ZNF710: variants seen among roughly 807,000 people sequenced by gnomAD.
The protein encoded by ZNF710 is zinc finger protein 710.
ZNF710 carries 13 observed loss-of-function variants against 50.6 expected under a neutral mutation model. That is an observed-to-expected ratio of 0.26 (90% CI 0.17 to 0.41). ZNF710 has a LOEUF of 0.41. Among genes scored for constraint, ZNF710 ranks in the 10% least tolerant of loss-of-function variants. ZNF710 has a pLI of 1.00. For synonymous variants in ZNF710, 383 were observed against 397.0 expected, an observed-to-expected ratio of 0.96 and a Z score of 0.42; for missense variants, 721 against 936.6, an observed-to-expected ratio of 0.77 and a Z score of 3.01.
intron 2 of ZNF710, among the ~76,000 whole-genome samples, chr15:90,072,805 G>A (rs1400055412): frequency 6.6e-6 from 1 of 152,198 alleles, no homozygotes; most frequent in African/African-American, 2.4e-5. Context: ...CTGGGGGCAG[G>A]AGACAGCAGG....
At chr15:90,044,497 T>C (rs568053255) in intron 1 of ZNF710, among the ~76,000 whole-genome samples, 18 of 152,262 alleles carry the variant, frequency 1.2e-4, no homozygotes, top group Non-Finnish European at 2.4e-4. Flanking sequence ...CCTCACCAAA[T>C]AAGGGGCCCG....
intron 1 of ZNF710, among the ~76,000 whole-genome samples, chr15:90,029,663 T>A (rs1898875308): frequency 1.3e-5 from 2 of 152,136 alleles, no homozygotes; most frequent in African/African-American, 4.8e-5. Context: ...TCGTCTAGGC[T>A]GGAGTGCAGT....
intron 4 of ZNF710, chr15:90,074,542 TGC>T: frequency 1.4e-6 from 2 of 1,430,732 alleles, no homozygotes; most frequent in South Asian, 2.4e-5. Context: ...ATTTATTGAG[TGC>T]TAACTGTGTG....
At chr15:90,001,656 G>GCCCCAT (rs1217139043) in intron 1 of ZNF710, 42 bp downstream of exon 1, 2 of 143,912 alleles carry the variant, frequency 1.4e-5, no homozygotes, top group Non-Finnish European at 3.1e-5. Flanking sequence ...CCCAGCCCCA[G>GCCCCAT]CCCCGCAGCC....
At chr15:90,056,527 C>A (rs1291464448) in intron 1 of ZNF710, among the ~76,000 whole-genome samples, 1 of 152,182 alleles carries the variant, frequency 6.6e-6, no homozygotes, top group African/African-American at 2.4e-5. Flanking sequence ...AAGTTCCTTT[C>A]AGCCCTGCCG....
chr15:90,015,888 C>A (rs934257946), intron 1 of ZNF710, among the ~76,000 whole-genome samples: 3 of 152,142 alleles, frequency 2.0e-5, no homozygotes, highest in Admixed American at 2.0e-4. Context: ...GGATTACAGG[C>A]GTGAGTCACC....
chr15:90,023,974 G>A (rs886666078), intron 1 of ZNF710, among the ~76,000 whole-genome samples: 14 of 152,128 alleles, frequency 9.2e-5, no homozygotes, highest in Non-Finnish European at 7.4e-5. Flanking sequence ...ACTGCAGTCT[G>A]GGTGACAGAG....
Position 90,068,690 on chromosome 15 carries a change from G to A in ZNF710, c.1458+95G>A, listed in dbSNP as rs1427463689. On this transcript the variant is annotated intron_variant, in intron 2 of 4. Coordinates refer to ENST00000268154, the MANE Select transcript of ZNF710 (RefSeq NM_198526.4). This position sits in a 1 kb window ranked among gnomAD's most constrained non-coding sequence, Gnocchi z 5.0. ...AGTCCCAGATGGGACCATTTAGGTG[G>A]TCTCCTAGTTTTATCGTTACGTACT... 2.2e-6 allele frequency: 3 copies of A among 1,371,132 alleles called. No homozygotes were observed. The highest frequency in any genetic ancestry group is 2.0e-6 in the Non-Finnish European group (2 of 1,015,368). 84.9% of individuals were successfully genotyped at this position (1,371,132 alleles called of 1,614,324 possible). A position where few individuals can be genotyped will look rare whatever the true frequency, so the allele number is the denominator to read the frequency against.
chr15:90,079,750 C>A lies in ZNF710; in HGVS notation c.1916C>A (p.Ala639Glu). 5 of 1,613,458 alleles carry A rather than the reference C, an allele frequency of 3.1e-6. No individual in the cohort carries two copies. The South Asian group carries it at 5.5e-5, about 18-fold the overall frequency. Reference protein sequence around the residue: ...EDFEENAYSYASVDSSAEASV... With the variant: ...EDFEENAYSYESVDSSAEASV... ...TTCGAGGAGAACGCCTACAGCTATG[C>A]GAGCGTGGACAGCAGCGCCGAGGCC... The change falls in exon 5 of 5, where the codon GCG becomes GAG. Residue 639 changes from alanine to glutamate, a missense_variant. Ala to Glu is a moderately radical substitution (Grantham distance 107). Around this residue, in one of 3 missense-constraint regions of ZNF710, gnomAD observed 69 missense variants for 67.6 expected, o/e 1.02. Coordinates refer to ENST00000268154, the MANE Select transcript of ZNF710 (RefSeq NM_198526.4).
intron 1 of ZNF710, among the ~76,000 whole-genome samples, chr15:90,064,286 G>T (rs929937850): frequency 6.6e-6 from 1 of 152,256 alleles, no homozygotes; most frequent in Admixed American, 6.5e-5. Context: ...CATTCACCTT[G>T]CTGTCTCCAG....
At chr15:90,004,360 C>G (rs1043826666) in intron 1 of ZNF710, among the ~76,000 whole-genome samples, 2 of 152,188 alleles carry the variant, frequency 1.3e-5, no homozygotes, top group African/African-American at 4.8e-5. Flanking sequence ...AGGAGTCCAG[C>G]GCATCTTGGA....
At chr15:90,078,700 C>T (rs922944083) in intron 4 of ZNF710, among the ~76,000 whole-genome samples, 1 of 152,222 alleles carries the variant, frequency 6.6e-6, no homozygotes, top group Non-Finnish European at 1.5e-5. Context: ...AAACATCCTA[C>T]AATGCACAGG....
rs1567236953 is a variant in ZNF710, at chr15:90,058,721, A to ATATATATGTATG, written c.-28-8389_-28-8388insTATATATGTATG. Among the ~76,000 whole-genome samples, 77 of 144,646 alleles carry ATATATATGTATG rather than the reference A, an allele frequency of 5.3e-4. 1 individual carries two copies. Among genetic ancestry groups the ATATATATGTATG allele is most frequent in the African/African-American group, 2.0e-3 (69 of 34,626 alleles). 94.9% of individuals were successfully genotyped at this position (144,646 alleles called of 152,430 possible). A position where few individuals can be genotyped will look rare whatever the true frequency, so the allele number is the denominator to read the frequency against. ...TATATTTATATATATATATATATAC[A>ATATATATGTATG]CACATATACACACACACGTACACAG... On this transcript the variant is annotated intron_variant, in intron 1 of 4. Transcript: ENST00000268154.
In ZNF710 at chr15:90,062,245, C is replaced by T. The variant is rs1204178491; in HGVS notation, c.-28-4865C>T. Among the ~76,000 whole-genome samples, 1 of 151,002 alleles carries T rather than the reference C, an allele frequency of 6.6e-6. No individual in the cohort carries two copies. ...TTCTCTCTCTCTCTCTCTGATATGTCCTCCCTTCCCCCACTCCCAGCACAA... is the reference window on the plus strand; with the variant it reads ...TTCTCTCTCTCTCTCTCTGATATGTTCTCCCTTCCCCCACTCCCAGCACAA... On this transcript the variant is annotated intron_variant, in intron 1 of 4. Coordinates refer to ENST00000268154, the MANE Select transcript of ZNF710 (RefSeq NM_198526.4). This position sits in a 1 kb window ranked among gnomAD's most constrained non-coding sequence, Gnocchi z 5.6.
rs2151489374 is a variant in ZNF710, at chr15:90,034,955, C to A, written c.-28-32155C>A. On this transcript the variant is annotated intron_variant, in intron 1 of 4. Transcript: ENST00000268154. This position sits in a 1 kb window ranked among gnomAD's most constrained non-coding sequence, Gnocchi z 4.0. The stretch of plus-strand genomic sequence containing the variant: ...AGGCTTGATGGCCGGAGCCCCAGGG[C>A]TTCCCTGCTGGTAGAAGGGGTGTCT... Among the ~76,000 whole-genome samples the A allele has an allele frequency of 6.6e-6, 1 of 152,298 alleles. No homozygotes were observed. Among genetic ancestry groups the A allele is most frequent in the Admixed American group, 6.5e-5 (1 of 15,302 alleles).
intron 1 of ZNF710, among the ~76,000 whole-genome samples, chr15:90,013,373 T>G (rs187109970): frequency 1.3e-5 from 2 of 152,236 alleles, no homozygotes; most frequent in East Asian, 3.9e-4. Context: ...AAAGTACTGG[T>G]ATTACAGGTG....
intron 2 of ZNF710, 47 bp from the exon 3 acceptor site, chr15:90,073,024 A>G: frequency 6.3e-7 from 1 of 1,581,910 alleles, no homozygotes; most frequent in Non-Finnish European, 8.6e-7. Flanking sequence ...TCACTGCCAG[A>G]GGCTGTGCCC....
intron 1 of ZNF710, among the ~76,000 whole-genome samples, chr15:90,042,770 C>T (rs1899337715): frequency 1.3e-5 from 2 of 152,172 alleles, no homozygotes; most frequent in South Asian, 2.1e-4. Flanking sequence ...GGGCATTTGC[C>T]GGCACGATCT....
At position 90,057,335 on chromosome 15, in the gene ZNF710, G is replaced by A. The variant is rs148954788; in HGVS notation, c.-28-9775G>A. Among the ~76,000 whole-genome samples the A allele has an allele frequency of 3.4e-3, 510 of 152,210 alleles. 1 individual carries two copies. The highest frequency in any genetic ancestry group is 5.8e-3 in the Non-Finnish European group (392 of 68,018). Reference sequence around the variant, plus strand: ...GGTGAGGAAGAAGGCACCTGGGGTGGGGAGGGGCCTCCCACTTGATTCACC... The same window carrying A: ...GGTGAGGAAGAAGGCACCTGGGGTGAGGAGGGGCCTCCCACTTGATTCACC... On this transcript the variant is annotated intron_variant, in intron 1 of 4. Coordinates refer to ENST00000268154, the MANE Select transcript of ZNF710 (RefSeq NM_198526.4).
Sources: allele counts gnomAD v4.1 joint callset (sites outside exome capture counted in the v4.1 genomes callset), GRCh38; gene constraint gnomAD v4.1.1; regional missense constraint gnomAD v4.1.1; non-coding constraint Gnocchi (gnomAD v3.1); transcripts MANE v1.5; gene names NCBI Gene and HGNC (gene_info 2026-07-23, HGNC 2026-07-21).